The following OR56A3 variants were observed in gnomAD, a reference collection of about 807,000 sequenced individuals.
OR56A3 encodes the protein olfactory receptor family 56 subfamily A member 3, also known as olfactory receptor 56A3.
OR56A3 carries 23 observed loss-of-function variants against 17.5 expected under a neutral mutation model. That is an observed-to-expected ratio of 1.32 (90% CI 0.95 to 1.87). The LOEUF is 1.87. Ranked by LOEUF, OR56A3 falls within the 40% of genes most tolerant of loss-of-function variation. OR56A3 has a pLI of 0.00. For missense variants in OR56A3, 366 were observed against 380.1 expected, an observed-to-expected ratio of 0.96 and a Z score of 0.31; for synonymous variants, 175 against 150.6, an observed-to-expected ratio of 1.16 and a Z score of -1.19.
the OR56A3 span, among the ~76,000 whole-genome samples, chr11:5,974,033 T>C: frequency 1.3e-5 from 2 of 152,182 alleles, no homozygotes; most frequent in South Asian, 4.1e-4. Flanking sequence ...GTTCCTGCTG[T>C]TGCTATCTCC....
the OR56A3 span, among the ~76,000 whole-genome samples, chr11:5,992,487 T>C: frequency 6.6e-6 from 1 of 152,170 alleles, no homozygotes; most frequent in African/African-American, 2.4e-5. Flanking sequence ...CTGACAATCA[T>C]TGTTCTCCTG....
the OR56A3 span, among the ~76,000 whole-genome samples, chr11:5,989,670 G>A: frequency 1.3e-5 from 2 of 152,040 alleles, no homozygotes; most frequent in African/African-American, 4.8e-5. Flanking sequence ...ATCCCATATT[G>A]GGCACAATGT....
chr11:5,985,985 G>A, the OR56A3 span: 2 of 1,612,114 alleles, frequency 1.2e-6, no homozygotes, highest in East Asian at 4.5e-5. Context: ...TGGCGGATCT[G>A]CTGAGTCTTC....
At chr11:6,004,583 T>C in the OR56A3 span, among the ~76,000 whole-genome samples, 2 of 152,188 alleles carry the variant, frequency 1.3e-5, no homozygotes, top group Non-Finnish European at 2.9e-5. Context: ...TTATACAATA[T>C]ACATTATTTA....
At chr11:5,994,908 G>A in the OR56A3 span, 9 of 756,522 alleles carry the variant, frequency 1.2e-5, no homozygotes, top group South Asian at 1.2e-4. Flanking sequence ...TTCAGGCTTT[G>A]CATGGTCTCC....
At chr11:5,987,522 T>C in the OR56A3 span, among the ~76,000 whole-genome samples, 2 of 152,220 alleles carry the variant, frequency 1.3e-5, no homozygotes, top group Admixed American at 6.5e-5. Context: ...AAATCCATTT[T>C]TCCATTTGCT....
chr11:5,982,824 A>G, the OR56A3 span, among the ~76,000 whole-genome samples: 3,323 of 152,240 alleles, frequency 0.022, 50 homozygotes, highest in South Asian at 0.04. Context: ...CCAGAGGTAC[A>G]TGGAGAGTGG....
the OR56A3 span, among the ~76,000 whole-genome samples, chr11:5,960,048 G>A: frequency 3.0e-3 from 458 of 152,132 alleles, 2 homozygotes; most frequent in Non-Finnish European, 5.4e-3. Flanking sequence ...TGCCAGTACC[G>A]TACTGTTTTG....
the OR56A3 span, chr11:6,002,932 G>A: frequency 6.8e-6 from 11 of 1,613,948 alleles, no homozygotes; most frequent in Admixed American, 1.8e-4. Flanking sequence ...TGGAAGTTGG[G>A]GAAGCAGATG....
the OR56A3 span, among the ~76,000 whole-genome samples, chr11:6,017,868 A>C: frequency 1.5e-3 from 228 of 152,302 alleles, no homozygotes; most frequent in African/African-American, 5.1e-3. Flanking sequence ...GAGATAGAAA[A>C]AGATATTTCA....
the OR56A3 span, among the ~76,000 whole-genome samples, chr11:6,007,368 T>C: frequency 2.0e-5 from 3 of 152,204 alleles, no homozygotes; most frequent in African/African-American, 7.2e-5. Context: ...TATGAATAAG[T>C]TCTAGAGATC....
chr11:5,995,555 C>T, the OR56A3 span, among the ~76,000 whole-genome samples: 2 of 152,108 alleles, frequency 1.3e-5, no homozygotes, highest in African/African-American at 4.8e-5. Context: ...TTTTCATTGT[C>T]TTTTTCAATA....
chr11:5,980,201 C>T, the OR56A3 span, among the ~76,000 whole-genome samples: 1 of 151,974 alleles, frequency 6.6e-6, no homozygotes, highest in Non-Finnish European at 1.5e-5. Flanking sequence ...TCTCTTAGGT[C>T]CATTTATTCA....
At chr11:6,003,262 A>C in the OR56A3 span, 1 of 635,186 alleles carries the variant, frequency 1.6e-6, no homozygotes, top group Non-Finnish European at 2.5e-6. Flanking sequence ...TGTTATCCTA[A>C]TGTTACAGGT....
chr11:5,948,858 T>G lies in OR56A3; in HGVS notation c.*564T>G. 1 of 153,380 alleles carries G rather than the reference T, an allele frequency of 6.5e-6. No homozygotes were observed. Among genetic ancestry groups the G allele is most frequent in the East Asian group, 1.9e-4 (1 of 5,216 alleles). The allele number at this position is 153,380 out of a possible 1,614,324, so 9.5% of individuals were successfully genotyped here. A position where few individuals can be genotyped will look rare whatever the true frequency, so the allele number is the denominator to read the frequency against. ...CTCCTCTCTCTCCCTCTCCTTCTCT[T>G]TCTCTGGAAGACAAGTAAATTTTTG... On this transcript the variant is annotated 3_prime_UTR_variant, in exon 3 of 3. Transcript: ENST00000641160.
the OR56A3 span, among the ~76,000 whole-genome samples, chr11:5,972,887 G>A: frequency 3.9e-5 from 6 of 152,166 alleles, no homozygotes; most frequent in African/African-American, 1.4e-4. Context: ...ATGAGCCACC[G>A]TGCCCGGCAG....
chr11:6,007,832 GC>G, the OR56A3 span, among the ~76,000 whole-genome samples: 1 of 152,306 alleles, frequency 6.6e-6, no homozygotes, highest in Non-Finnish European at 1.5e-5. Flanking sequence ...AGCAGAGAGT[GC>G]TTTTCCTGTG....
chr11:5,973,268 TA>T, the OR56A3 span, among the ~76,000 whole-genome samples: 11 of 152,218 alleles, frequency 7.2e-5, no homozygotes, highest in Admixed American at 5.9e-4. Flanking sequence ...GCAATTGCAT[TA>T]CATTATAGTA....
At chr11:5,988,473 A>G in the OR56A3 span, among the ~76,000 whole-genome samples, 1 of 152,236 alleles carries the variant, frequency 6.6e-6, no homozygotes. Flanking sequence ...GCAGGATACT[A>G]AAACTCTCTC....
Sources: gnomAD v4.1 joint callset for allele counts (sites outside exome capture counted in the v4.1 genomes callset) on GRCh38, gnomAD v4.1.1 for gene constraint, MANE v1.5 for transcripts, NCBI Gene and HGNC (gene_info 2026-07-23, HGNC 2026-07-21) for gene names.